The following DPP6 variants were observed in gnomAD, a reference collection of about 807,000 sequenced individuals.
The protein encoded by DPP6 is A-type potassium channel modulatory protein DPP6.
Under a neutral mutation model 122.6 loss-of-function variants are expected in DPP6, and 69 were observed. That is an observed-to-expected ratio of 0.56 (90% CI 0.46 to 0.69). The LOEUF (loss-of-function observed/expected upper bound fraction) is 0.69, where lower values mean the gene tolerates loss of function less well. DPP6 is among the 30% of genes least tolerant of loss of function. The pLI, the probability that DPP6 is intolerant of heterozygous loss-of-function variation, is 0.00. For synonymous variants in DPP6, 418 were observed against 433.1 expected (o/e 0.97, Z 0.43); for missense variants, 928 against 1,116.9 (o/e 0.83, Z 2.41).
At chr7:154,416,579 G>T (rs1817037467) in intron 1 of DPP6, among the ~76,000 whole-genome samples, 1 of 152,014 alleles carries the variant, frequency 6.6e-6, no homozygotes, top group Non-Finnish European at 1.5e-5. Context: ...CTGTATCATA[G>T]CTATGTATGT....
chr7:153,829,269 A>G, the DPP6 span, among the ~76,000 whole-genome samples: 555 of 152,196 alleles, frequency 3.6e-3, 2 homozygotes, highest in African/African-American at 0.013. Flanking sequence ...GCTGGAGTGC[A>G]GTGGTGCGAT....
At chr7:153,839,481 A>G in the DPP6 span, among the ~76,000 whole-genome samples, 2 of 152,350 alleles carry the variant, frequency 1.3e-5, no homozygotes, top group Non-Finnish European at 2.9e-5. Flanking sequence ...CAGAAGGCAC[A>G]CGTGTGCACA....
intron 13 of DPP6, among the ~76,000 whole-genome samples, chr7:154,802,791 C>G (rs1478028712): frequency 6.7e-6 from 1 of 148,152 alleles, no homozygotes; most frequent in African/African-American, 2.5e-5. Flanking sequence ...AAGCTGAGAT[C>G]GTGCCACTGC....
intron 19 of DPP6, among the ~76,000 whole-genome samples, chr7:154,873,870 A>C (rs1804605137): frequency 7.3e-6 from 1 of 136,112 alleles, no homozygotes; most frequent in Non-Finnish European, 1.7e-5. Flanking sequence ...ACACACACCC[A>C]CAGGCACACA....
chr7:154,356,887 C>T lies in DPP6; in HGVS notation c.244-89327C>T, dbSNP rs552873337. Among the ~76,000 whole-genome samples the T allele has an allele frequency of 2.4e-3, 364 of 152,056 alleles. 4 individuals carry two copies. The highest frequency in any genetic ancestry group is 5.4e-3 in the South Asian group (26 of 4,820). ...TAAAAAAACATGGGAAGGCAATTAG[C>T]GAATTTTGTTGAAATTTGACACTAC... On this transcript the variant is annotated intron_variant, in intron 1 of 25. Transcript: ENST00000377770.
chr7:154,749,488 GA>G (rs1843238343), intron 8 of DPP6, among the ~76,000 whole-genome samples: 1 of 118,164 alleles, frequency 8.5e-6, no homozygotes, highest in Non-Finnish European at 1.8e-5. Context: ...TAGGACGGGA[GA>G]GAGAGGGATG....
the DPP6 span, among the ~76,000 whole-genome samples, chr7:153,866,386 C>T: frequency 6.6e-6 from 1 of 152,162 alleles, no homozygotes; most frequent in Non-Finnish European, 1.5e-5. Flanking sequence ...TTTTGATTTG[C>T]ATTTCTCTGA....
Position 154,332,987 on chromosome 7 carries a change from G to A in DPP6, c.244-113227G>A, listed in dbSNP as rs1430961228. 4.6e-5 allele frequency among the ~76,000 whole-genome samples: 7 copies of A among 152,280 alleles called. No homozygotes were observed. The East Asian group carries it at 1.4e-3, about 29-fold the overall frequency. ...GCGCGGGAGGCTCGCGATGGGTCCG[G>A]GGAACAGCTGCTGTGTTCCTGTAGG... On this transcript the variant is annotated intron_variant, in intron 1 of 25. Coordinates refer to ENST00000377770, the MANE Select transcript of DPP6 (RefSeq NM_130797.4).
At chr7:154,731,988 TTG>T (rs1417247787) in intron 8 of DPP6, among the ~76,000 whole-genome samples, 3 of 152,170 alleles carry the variant, frequency 2.0e-5, no homozygotes, top group African/African-American at 7.2e-5. Flanking sequence ...ACATGGTTGA[TTG>T]TGTTTCCAGC....
intron 1 of DPP6, among the ~76,000 whole-genome samples, chr7:154,435,285 T>G (rs6943854): frequency 0.69 from 104,353 of 151,782 alleles, 35,943 homozygotes; most frequent in East Asian, 0.79. Flanking sequence ...GAGGGAGGAA[T>G]GGGAGGGGGT....
chr7:154,458,636 ACAG>A (rs1222836809), intron 2 of DPP6, among the ~76,000 whole-genome samples: 1 of 152,208 alleles, frequency 6.6e-6, no homozygotes, highest in Non-Finnish European at 1.5e-5. Flanking sequence ...GTCATTTGTC[ACAG>A]CAGCCACAGG....
chr7:154,062,567 G>C (rs373766187), intron 1 of DPP6, among the ~76,000 whole-genome samples: 1 of 10,456 alleles, frequency 9.6e-5, no homozygotes, highest in Non-Finnish European at 1.9e-4. Context: ...CCATCGCAGG[G>C]GGGGGAGGCA....
At chr7:154,558,406 A>G (rs1295323412) in intron 4 of DPP6, among the ~76,000 whole-genome samples, 2 of 152,224 alleles carry the variant, frequency 1.3e-5, no homozygotes, top group African/African-American at 4.8e-5. Flanking sequence ...GTTTATTCTA[A>G]CCATGAGACA....
chr7:154,133,556 G>C (rs1795395258), intron 1 of DPP6, among the ~76,000 whole-genome samples: 1 of 152,154 alleles, frequency 6.6e-6, no homozygotes. Flanking sequence ...ATACTGCTGG[G>C]AGAATACAGG....
At chr7:154,116,840 A>C (rs1807025730) in intron 1 of DPP6, among the ~76,000 whole-genome samples, 2 of 152,184 alleles carry the variant, frequency 1.3e-5, no homozygotes, top group Non-Finnish European at 1.5e-5. Flanking sequence ...AATTTTTTTA[A>C]AAGAAAAATA....
At chr7:154,257,563 G>A (rs1244771043) in intron 1 of DPP6, among the ~76,000 whole-genome samples, 1 of 152,114 alleles carries the variant, frequency 6.6e-6, no homozygotes, top group East Asian at 1.9e-4. Flanking sequence ...TGGTTGTGGT[G>A]GCATGTACCT....
chr7:154,649,793 A>G (rs987085572), intron 6 of DPP6, among the ~76,000 whole-genome samples: 1 of 152,174 alleles, frequency 6.6e-6, no homozygotes, highest in Admixed American at 6.5e-5. Context: ...TCTAAATGAC[A>G]TATCAGCCGC....
At chr7:154,438,321 T>A (rs1188385016) in intron 1 of DPP6, among the ~76,000 whole-genome samples, 11 of 151,174 alleles carry the variant, frequency 7.3e-5, no homozygotes, top group Admixed American at 1.3e-4. Flanking sequence ...TACAAAAAAA[T>A]TAGCCGGGCG....
intron 1 of DPP6, among the ~76,000 whole-genome samples, chr7:154,313,689 A>G (rs201287921): frequency 0.33 from 7,363 of 22,186 alleles, 1,704 homozygotes; most frequent in East Asian, 0.56. Context: ...GATATGGTAT[A>G]TATATATATA....
Sources: allele counts gnomAD v4.1 joint callset (sites outside exome capture counted in the v4.1 genomes callset), GRCh38; gene constraint gnomAD v4.1.1; transcripts MANE v1.5; gene names NCBI Gene and HGNC (gene_info 2026-07-23, HGNC 2026-07-21).